SDCCAG8: variants seen among roughly 807,000 people sequenced by gnomAD.
SDCCAG8 encodes the protein serologically defined colon cancer antigen 8.
A neutral mutation model predicts 101.8 loss-of-function variants in SDCCAG8; 74 were observed. The observed-to-expected ratio is 0.73, with a 90% CI of 0.60 to 0.88. The LOEUF (loss-of-function observed/expected upper bound fraction) is 0.88, where lower values mean the gene tolerates loss of function less well. Among genes scored for constraint, SDCCAG8 ranks in the 40% least tolerant of loss-of-function variants. The pLI is 0.00. For missense variants in SDCCAG8, 787 were observed against 822.6 expected, an observed-to-expected ratio of 0.96 and a Z score of 0.53; for synonymous variants, 281 against 292.9, an observed-to-expected ratio of 0.96 and a Z score of 0.41.
chr1:243,267,689 C>T, intron 1 of SDCCAG8: 1 of 780,888 alleles, frequency 1.3e-6, no homozygotes, highest in Non-Finnish European at 2.4e-6. Flanking sequence ...CTGTACTAAG[C>T]AGTCATGTGC....
At chr1:243,326,001 G>A (rs1277186498) in intron 9 of SDCCAG8, among the ~76,000 whole-genome samples, 1 of 152,148 alleles carries the variant, frequency 6.6e-6, no homozygotes, top group African/African-American at 2.4e-5. Context: ...CCTTAGGCCT[G>A]CCTGCTTGTG....
intron 4 of SDCCAG8, among the ~76,000 whole-genome samples, chr1:243,276,968 A>G (rs1175607785): frequency 2.6e-5 from 4 of 152,150 alleles, no homozygotes; most frequent in Non-Finnish European, 5.9e-5. Flanking sequence ...TTGTCTTTTC[A>G]TAACTTGATA....
intron 16 of SDCCAG8, among the ~76,000 whole-genome samples, chr1:243,477,715 G>A (rs574234410): frequency 6.6e-6 from 1 of 152,350 alleles, no homozygotes; most frequent in East Asian, 1.9e-4. Context: ...GGAGCTTGAA[G>A]AGCTGAAAGT....
In SDCCAG8 at chr1:243,283,143, C is replaced by T. The variant is rs368346309; in HGVS notation, c.421-3129C>T. ...GATTACAGGCATGAGCCACCGCACC[C>T]GGCCTGATTTTTGGGTTTTCTTTGT... On this transcript the variant is annotated intron_variant, in intron 4 of 17. Transcript: ENST00000366541. Among the ~76,000 whole-genome samples, 18 of 152,070 alleles carry T rather than the reference C, an allele frequency of 1.2e-4. No homozygotes were observed. In the South Asian group the frequency reaches 1.9e-3, roughly 16 times the overall value.
chr1:243,473,926 G>C (rs1259668103), intron 16 of SDCCAG8, among the ~76,000 whole-genome samples: 4 of 107,720 alleles, frequency 3.7e-5, no homozygotes, highest in South Asian at 4.5e-4. Flanking sequence ...TGCCGGCGGG[G>C]GGGGGGGGGG....
chr1:243,261,324 G>A (rs2067177043), intron 1 of SDCCAG8, among the ~76,000 whole-genome samples: 1 of 150,692 alleles, frequency 6.6e-6, no homozygotes, highest in Non-Finnish European at 1.5e-5. Flanking sequence ...CACTTGTTTG[G>A]ACCAGATGAA....
intron 1 of SDCCAG8, chr1:243,268,018 C>A (rs2067772531): frequency 1.3e-6 from 1 of 778,648 alleles, no homozygotes; most frequent in Non-Finnish European, 2.4e-6. Context: ...TCTTTTCTTT[C>A]TCTTTAGGTT....
At position 243,458,317 on chromosome 1, in the gene SDCCAG8, T is replaced by C. The variant is rs141261314; in HGVS notation, c.1986-30697T>C. On this transcript the variant is annotated intron_variant, in intron 16 of 17. Coordinates refer to ENST00000366541, the MANE Select transcript of SDCCAG8 (RefSeq NM_006642.5). This position sits in a 1 kb window ranked among gnomAD's most constrained non-coding sequence, Gnocchi z 4.5. ...TTCCACAGTTTGACAGCACCGAATG[T>C]TGTGTTAAGCTTCTTGCTACCATGT... Among the ~76,000 whole-genome samples, 663 of 152,268 alleles carry C rather than the reference T, an allele frequency of 4.4e-3. 5 individuals are homozygous for C. Among genetic ancestry groups the C allele is most frequent in the African/African-American group, 0.015 (637 of 41,546 alleles).
rs1460576971 is a variant in SDCCAG8 at position 243,331,169 on chromosome 1, T to G, written c.1221+477T>G. Reference sequence around the variant, plus strand: ...CTGTATGAAATCAGTTCTGACAAATTACATGATGAATAATGACGGTAACCA... The same window carrying G: ...CTGTATGAAATCAGTTCTGACAAATGACATGATGAATAATGACGGTAACCA... On this transcript the variant is annotated intron_variant, in intron 10 of 17. Transcript: ENST00000366541. Among the ~76,000 whole-genome samples the G allele has an allele frequency of 2.0e-5, 3 of 152,310 alleles. No individual in the cohort carries two copies. In the East Asian group the frequency reaches 5.8e-4, roughly 29 times the overall value.
At chr1:243,483,575 G>C (rs1172472758) in intron 16 of SDCCAG8, among the ~76,000 whole-genome samples, 2 of 146,114 alleles carry the variant, frequency 1.4e-5, no homozygotes, top group Non-Finnish European at 3.0e-5. Flanking sequence ...ACCCCGTCTC[G>C]CGACCTCCCC....
At chr1:243,267,720 A>C in intron 1 of SDCCAG8, 1 of 796,514 alleles carries the variant, frequency 1.3e-6, no homozygotes, top group South Asian at 1.3e-5. Context: ...GTGTGTGTAC[A>C]TGGTAATTGT....
intron 4 of SDCCAG8, among the ~76,000 whole-genome samples, chr1:243,276,012 C>T (rs923434776): frequency 3.3e-5 from 5 of 151,734 alleles, no homozygotes; most frequent in Non-Finnish European, 5.9e-5. Flanking sequence ...TACAGGCCTG[C>T]GCCACCACGC....
In SDCCAG8 at chr1:243,436,075, C is replaced by T. The variant is rs979995795; in HGVS notation, c.1985+9517C>T. Among the ~76,000 whole-genome samples, 7 of 151,956 alleles carry T rather than the reference C, an allele frequency of 4.6e-5. No homozygotes were observed. In the East Asian group the frequency reaches 1.3e-3, roughly 29 times the overall value. On this transcript the variant is annotated intron_variant, in intron 16 of 17. Coordinates refer to ENST00000366541, the MANE Select transcript of SDCCAG8 (RefSeq NM_006642.5). ...GGCCATAGTTTACATTAGGGTTCAG[C>T]CTTAGTTTTGTACATTCTGTGGTTT...
chr1:243,264,673 A>G (rs1283062362), intron 1 of SDCCAG8, among the ~76,000 whole-genome samples: 1 of 152,232 alleles, frequency 6.6e-6, no homozygotes, highest in Non-Finnish European at 1.5e-5. Flanking sequence ...AGCAGCCATT[A>G]GCTCAGGTAC....
At chr1:243,271,463 GTTAC>G (rs1215121266) in intron 3 of SDCCAG8, among the ~76,000 whole-genome samples, 3 of 151,186 alleles carry the variant, frequency 2.0e-5, no homozygotes, top group South Asian at 2.1e-4. Flanking sequence ...ATTTTTAGAA[GTTAC>G]TTAATTATAA....
At chr1:243,381,762 C>G (rs577274470) in intron 13 of SDCCAG8, among the ~76,000 whole-genome samples, 1 of 152,096 alleles carries the variant, frequency 6.6e-6, no homozygotes, top group Non-Finnish European at 1.5e-5. Context: ...CCTTAGATTG[C>G]GCATACTCTA....
chr1:243,260,058 CT>C (rs1256107105), intron 1 of SDCCAG8, among the ~76,000 whole-genome samples: 6 of 152,168 alleles, frequency 3.9e-5, no homozygotes, highest in Non-Finnish European at 8.8e-5. Flanking sequence ...TGCTGTTTGA[CT>C]TCTCTAAAGA....
chr1:243,293,191 C>T lies in SDCCAG8; in HGVS notation c.647C>T (p.Ala216Val), dbSNP rs1350385738. Residue 216 changes from alanine to valine, a missense_variant, in exon 6 of 18, where the codon GCT (alanine) becomes GTT (valine). Transcript: ENST00000366541. ...CATGACAATGCAGATTTTGGCAAAG[C>T]TGCATCTGCTGGTGAGCAGCTAGAA... ...FSHDNADFGKAASAGEQLELE... is the reference protein window; with the variant it reads ...FSHDNADFGKVASAGEQLELE... 3 of 1,614,150 alleles carry T rather than the reference C, an allele frequency of 1.9e-6. No individual in the cohort carries two copies. Among genetic ancestry groups the T allele is most frequent in the Admixed American group, 1.7e-5 (1 of 60,024 alleles).
chr1:243,304,496 C>T (rs2071880460), intron 6 of SDCCAG8, among the ~76,000 whole-genome samples: 1 of 151,974 alleles, frequency 6.6e-6, no homozygotes, highest in Non-Finnish European at 1.5e-5. Flanking sequence ...TTTTGAAAGA[C>T]AAAGAAAATC....
Sources: allele counts gnomAD v4.1 joint callset (sites outside exome capture counted in the v4.1 genomes callset), GRCh38; gene constraint gnomAD v4.1.1; non-coding constraint Gnocchi (gnomAD v3.1); transcripts MANE v1.5; gene names NCBI Gene and HGNC (gene_info 2026-07-23, HGNC 2026-07-21).